Variants in FGD6 observed in about 807,000 individuals in gnomAD.
FGD6 encodes the protein FYVE, RhoGEF and PH domain-containing protein 6.
In FGD6, 90 loss-of-function variants were observed where a neutral mutation model predicts 149.4. The observed-to-expected ratio is 0.60, with a 90% confidence interval of 0.51 to 0.72. The LOEUF (loss-of-function observed/expected upper bound fraction) is 0.72. Ranked by LOEUF, FGD6 falls within the 30% of genes least tolerant of loss-of-function variation. The pLI is 0.00. For synonymous variants in FGD6, 527 were observed against 584.0 expected, an observed-to-expected ratio of 0.90 and a Z score of 1.41; for missense variants, 1,437 against 1,684.8, an observed-to-expected ratio of 0.85 and a Z score of 2.57.
At chr12:95,133,498 T>C (rs895636533) in intron 8 of FGD6, among the ~76,000 whole-genome samples, 6 of 152,278 alleles carry the variant, frequency 3.9e-5, no homozygotes, top group Admixed American at 3.3e-4. Context: ...ATCCTGGTTT[T>C]TCAGGATTCA....
chr12:95,137,183 G>A (rs1468868913), intron 7 of FGD6, among the ~76,000 whole-genome samples: 4 of 152,166 alleles, frequency 2.6e-5, no homozygotes, highest in African/African-American at 7.2e-5. Context: ...GGAAGCTGAG[G>A]CAGGAGAATC....
chr12:95,202,969 C>G (rs1315700906), intron 2 of FGD6, among the ~76,000 whole-genome samples: 3 of 152,170 alleles, frequency 2.0e-5, no homozygotes, highest in African/African-American at 7.2e-5. Flanking sequence ...CTTAACTGTG[C>G]TACGACAACA....
intron 2 of FGD6, among the ~76,000 whole-genome samples, chr12:95,203,873 A>C (rs1296055163): frequency 6.6e-6 from 1 of 152,236 alleles, no homozygotes; most frequent in East Asian, 1.9e-4. Flanking sequence ...ACATTTGGAC[A>C]CTATTATTTT....
chr12:95,217,254 A>T lies in FGD6; in HGVS notation c.-14T>A. 6.2e-7 allele frequency: 1 copy of T among 1,608,756 alleles called. No individual in the cohort carries two copies. Among genetic ancestry groups the T allele is most frequent in the Non-Finnish European group, 8.5e-7 (1 of 1,176,478 alleles). On this transcript the variant is annotated 5_prime_UTR_variant, in exon 1 of 21. Coordinates refer to ENST00000343958, the MANE Select transcript of FGD6 (RefSeq NM_018351.4). ...TGCAGAAGTCATGATTCCCCGGTGCAGCTCGCTTCCCCGCTCGGCCCCTCA... is the reference window on the plus strand; with the variant it reads ...TGCAGAAGTCATGATTCCCCGGTGCTGCTCGCTTCCCCGCTCGGCCCCTCA...
chr12:95,099,356 G>C (rs757389968), intron 14 of FGD6, among the ~76,000 whole-genome samples: 3 of 152,186 alleles, frequency 2.0e-5, no homozygotes, highest in Non-Finnish European at 4.4e-5. Context: ...GATCCGTGCT[G>C]ATGGAGCATG....
chr12:95,146,532 G>A (rs1402641086), intron 5 of FGD6, among the ~76,000 whole-genome samples: 1 of 152,104 alleles, frequency 6.6e-6, no homozygotes, highest in Admixed American at 6.6e-5. Context: ...TTAAAATAGT[G>A]GGGGGAGGAG....
At chr12:95,201,088 G>A (rs2056658032) in intron 2 of FGD6, among the ~76,000 whole-genome samples, 1 of 151,784 alleles carries the variant, frequency 6.6e-6, no homozygotes, top group South Asian at 2.1e-4. Flanking sequence ...TCCAGGAATA[G>A]ATAATGAATT....
intron 6 of FGD6, among the ~76,000 whole-genome samples, chr12:95,139,912 C>T (rs1357311354): frequency 1.3e-5 from 2 of 152,282 alleles, no homozygotes; most frequent in East Asian, 3.9e-4. Flanking sequence ...GCTGGGATTA[C>T]AGGCATGAGC....
intron 8 of FGD6, among the ~76,000 whole-genome samples, chr12:95,125,515 A>G (rs750153114): frequency 6.6e-6 from 1 of 152,172 alleles, no homozygotes; most frequent in Non-Finnish European, 1.5e-5. Flanking sequence ...GCATGCCTGT[A>G]GCCACAGCTA....
intron 2 of FGD6, among the ~76,000 whole-genome samples, chr12:95,196,952 A>G (rs1474828343): frequency 6.6e-6 from 1 of 152,154 alleles, no homozygotes; most frequent in East Asian, 1.9e-4. Context: ...TGACAAATTA[A>G]AAAGTCACAA....
chr12:95,107,648 A>G lies in FGD6; in HGVS notation c.3265-17T>C. 6.2e-7 allele frequency: 1 copy of G among 1,613,566 alleles called. No homozygotes were observed. Among genetic ancestry groups the G allele is most frequent in the Non-Finnish European group, 8.5e-7 (1 of 1,179,736 alleles). ...GAGAAAAACCTGATTCACCCAAACA[A>G]ACACCCATTTAGTCCTACCATCACA... On this transcript the variant is annotated splice_polypyrimidine_tract_variant and intron_variant, in intron 11 of 20. Coordinates refer to ENST00000343958, the MANE Select transcript of FGD6 (RefSeq NM_018351.4).
At chr12:95,133,156 G>A (rs535852008) in intron 8 of FGD6, among the ~76,000 whole-genome samples, 3 of 152,310 alleles carry the variant, frequency 2.0e-5, no homozygotes, top group African/African-American at 4.8e-5. Flanking sequence ...GGTGGCTCAC[G>A]CCTATAATCT....
intron 5 of FGD6, among the ~76,000 whole-genome samples, chr12:95,148,552 TTA>T (rs976899396): frequency 1.4e-4 from 12 of 84,812 alleles, no homozygotes; most frequent in African/African-American, 4.7e-4. Flanking sequence ...ATATATTATA[TTA>T]TATATTATAT....
Position 95,209,718 on chromosome 12 carries a change from AC to A in FGD6, c.1565del (p.Ser522IlefsTer15). On this transcript the variant is annotated frameshift_variant, in exon 2 of 21. Transcript: ENST00000343958. LOFTEE classifies it high-confidence loss of function. ...KAASEELLEK[S>X]SYPSSEEKSS... ...TTTTTTCTTCACTTGAAGGATAAGAACTTTTTTCCAAAAGCTCCTCGGAGGC... is the reference window on the plus strand; with the variant it reads ...TTTTTTCTTCACTTGAAGGATAAGAATTTTTTCCAAAAGCTCCTCGGAGGC... The A allele has an allele frequency of 6.2e-7, 1 of 1,614,116 alleles. No homozygotes were observed. The highest frequency in any genetic ancestry group is 8.5e-7 in the Non-Finnish European group (1 of 1,180,026).
At chr12:95,118,753 C>A (rs1879099383) in intron 8 of FGD6, among the ~76,000 whole-genome samples, 1 of 152,164 alleles carries the variant, frequency 6.6e-6, no homozygotes, top group African/African-American at 2.4e-5. Flanking sequence ...GGATCAGCAA[C>A]ACATACAGAA....
chr12:95,124,042 T>C (rs138489831), intron 8 of FGD6, among the ~76,000 whole-genome samples: 1 of 151,990 alleles, frequency 6.6e-6, no homozygotes, highest in East Asian at 1.9e-4. Flanking sequence ...GCCTCCTGAG[T>C]ACCTGAGACT....
chr12:95,134,384 TC>T (rs1187199581), intron 8 of FGD6, among the ~76,000 whole-genome samples: 2 of 152,076 alleles, frequency 1.3e-5, no homozygotes, highest in African/African-American at 4.8e-5. Context: ...CCCTCTAAAC[TC>T]CACTCTCGAG....
intron 3 of FGD6, among the ~76,000 whole-genome samples, chr12:95,165,866 C>T (rs377604295): frequency 1.3e-5 from 2 of 151,514 alleles, no homozygotes; most frequent in African/African-American, 4.9e-5. Context: ...AGATTGGTCT[C>T]GAACTCCTGG....
chr12:95,179,265 G>C (rs188728238), intron 2 of FGD6, among the ~76,000 whole-genome samples: 118 of 152,106 alleles, frequency 7.8e-4, no homozygotes, highest in Non-Finnish European at 1.4e-3. Flanking sequence ...GAGGCTGTGG[G>C]GGGTGGGGGT....
Sources: allele counts gnomAD v4.1 joint callset (sites outside exome capture counted in the v4.1 genomes callset), GRCh38; gene constraint gnomAD v4.1.1; transcripts MANE v1.5; gene names NCBI Gene and HGNC (gene_info 2026-07-23, HGNC 2026-07-21).